SLC4A4: variants seen among roughly 807,000 people sequenced by gnomAD.
The protein encoded by SLC4A4 is electrogenic sodium bicarbonate cotransporter 1.
In SLC4A4, 27 loss-of-function variants were observed where a neutral mutation model predicts 111.5. The ratio of observed to expected loss-of-function variants is 0.24; its 90% CI spans 0.18 to 0.33. The LOEUF (loss-of-function observed/expected upper bound fraction) is 0.33. SLC4A4 is among the 10% of genes least tolerant of loss of function. The pLI is 1.00. For missense variants in SLC4A4, 909 were observed against 1,315.5 expected (o/e 0.69, Z 4.78); for synonymous variants, 443 against 463.4 (o/e 0.96, Z 0.57).
chr4:71,142,612 C>T (rs1021383254), intron 2 of SLC4A4, among the ~76,000 whole-genome samples: 1 of 152,132 alleles, frequency 6.6e-6, no homozygotes, highest in African/African-American at 2.4e-5. Flanking sequence ...GCCGAGGCTA[C>T]CTCCTGTCAG....
intron 3 of SLC4A4, among the ~76,000 whole-genome samples, chr4:71,325,672 C>G (rs1727446972): frequency 6.6e-6 from 1 of 151,984 alleles, no homozygotes; most frequent in Admixed American, 6.6e-5. Context: ...TCACCTATAT[C>G]AGGTCAACTG....
intron 2 of SLC4A4, among the ~76,000 whole-genome samples, chr4:71,134,460 C>T (rs1743791604): frequency 6.6e-6 from 1 of 152,232 alleles, no homozygotes; most frequent in Admixed American, 6.5e-5. Context: ...GGAGAAAGCT[C>T]TTTGGTGAAG....
chr4:71,175,536 G>A (rs923232353), intron 2 of SLC4A4, among the ~76,000 whole-genome samples: 9 of 152,218 alleles, frequency 5.9e-5, no homozygotes, highest in African/African-American at 1.7e-4. Context: ...ATTATATCCC[G>A]CGCGTGGCTT....
intron 2 of SLC4A4, among the ~76,000 whole-genome samples, chr4:71,178,374 A>G (rs974015658): frequency 4.0e-5 from 6 of 151,382 alleles, no homozygotes; most frequent in Non-Finnish European, 7.3e-5. Context: ...AATGAAGGAA[A>G]CAGAGACACA....
At chr4:71,367,454 A>G (rs1244455096) in intron 6 of SLC4A4, among the ~76,000 whole-genome samples, 3 of 152,240 alleles carry the variant, frequency 2.0e-5, no homozygotes, top group African/African-American at 4.8e-5. Flanking sequence ...AATGTTTGCC[A>G]GTTGTTTAGC....
At chr4:71,181,773 G>A (rs1745301801) in intron 2 of SLC4A4, among the ~76,000 whole-genome samples, 1 of 152,032 alleles carries the variant, frequency 6.6e-6, no homozygotes, top group South Asian at 2.1e-4. Flanking sequence ...ATTTGTCCTC[G>A]AACATTCCTA....
intron 2 of SLC4A4, among the ~76,000 whole-genome samples, chr4:71,156,588 G>GCGCGCGCACACACACACACA (rs376043069): frequency 4.3e-5 from 6 of 138,572 alleles, no homozygotes; most frequent in South Asian, 2.7e-4. Flanking sequence ...GCGCGCGCGC[G>GCGCGCGCACACACACACACA]CACACACACA....
At chr4:71,566,787 A>G (rs898772295) in intron 24 of SLC4A4, among the ~76,000 whole-genome samples, 4 of 151,818 alleles carry the variant, frequency 2.6e-5, no homozygotes, top group Admixed American at 2.0e-4. Context: ...TGACAAGACA[A>G]CAGTGATCCA....
chr4:71,063,527 A>G (rs1053943599), intron 1 of SLC4A4, among the ~76,000 whole-genome samples: 1 of 152,020 alleles, frequency 6.6e-6, no homozygotes, highest in African/African-American at 2.4e-5. Flanking sequence ...TTTATTTTCT[A>G]TTATAATTAC....
chr4:71,502,213 G>A (rs919011314), intron 16 of SLC4A4, among the ~76,000 whole-genome samples: 2 of 152,156 alleles, frequency 1.3e-5, no homozygotes, highest in African/African-American at 4.8e-5. Context: ...CACCAGCCTC[G>A]GCCTCCCAAA....
chr4:71,427,858 A>G (rs1234663783), intron 7 of SLC4A4, among the ~76,000 whole-genome samples: 7 of 152,274 alleles, frequency 4.6e-5, no homozygotes, highest in African/African-American at 1.7e-4. Context: ...CCGCCATGAT[A>G]GAGAAATATA....
chr4:71,534,166 T>C (rs1734191951), intron 17 of SLC4A4, 61 bp from the exon 18 acceptor site: 9 of 1,515,968 alleles, frequency 5.9e-6, no homozygotes, highest in Non-Finnish European at 8.2e-6. Flanking sequence ...GTTGGTTTTT[T>C]CACCAAATAG....
At chr4:71,468,592 G>A (rs144764934) in intron 13 of SLC4A4, among the ~76,000 whole-genome samples, 112 of 151,972 alleles carry the variant, frequency 7.4e-4, no homozygotes, top group East Asian at 7.2e-3. Flanking sequence ...TGTGGCAAGC[G>A]TTATTTTAAT....
chr4:71,426,181 A>G (rs531614499), intron 7 of SLC4A4, among the ~76,000 whole-genome samples: 1 of 151,976 alleles, frequency 6.6e-6, no homozygotes, highest in Admixed American at 6.6e-5. Context: ...TTCAATGTTA[A>G]TGCTGGTCAC....
chr4:71,529,648 G>T (rs757453796), intron 16 of SLC4A4, among the ~76,000 whole-genome samples: 1 of 152,070 alleles, frequency 6.6e-6, no homozygotes, highest in East Asian at 1.9e-4. Flanking sequence ...AGGACCAGAG[G>T]TATATGTCCT....
At chr4:71,351,254 C>T (rs988870853) in intron 5 of SLC4A4, among the ~76,000 whole-genome samples, 1 of 152,228 alleles carries the variant, frequency 6.6e-6, no homozygotes, top group African/African-American at 2.4e-5. Flanking sequence ...ATCCCTGTCC[C>T]ACCCAGCCTT....
chr4:71,113,618 G>A (rs1743157172), intron 2 of SLC4A4, among the ~76,000 whole-genome samples: 1 of 152,122 alleles, frequency 6.6e-6, no homozygotes, highest in Non-Finnish European at 1.5e-5. Flanking sequence ...CGGTGGTCAT[G>A]CACTTTAATA....
At chr4:71,422,239 G>A (rs1722594007) in intron 7 of SLC4A4, among the ~76,000 whole-genome samples, 1 of 138,894 alleles carries the variant, frequency 7.2e-6, no homozygotes, top group Non-Finnish European at 1.6e-5. Flanking sequence ...AAATCTAGAA[G>A]AAATGGATAA....
chr4:71,077,972 T>C (rs1167043786), intron 1 of SLC4A4, among the ~76,000 whole-genome samples: 3 of 152,194 alleles, frequency 2.0e-5, no homozygotes. Context: ...TAATCAAGTG[T>C]GAGTCTCAGG....
Sources: gnomAD v4.1 joint callset for allele counts (sites outside exome capture counted in the v4.1 genomes callset) on GRCh38, gnomAD v4.1.1 for gene constraint, MANE v1.5 for transcripts, NCBI Gene and HGNC (gene_info 2026-07-23, HGNC 2026-07-21) for gene names.